Variants in SULT1E1 observed in about 807,000 individuals in gnomAD.
SULT1E1 encodes sulfotransferase family 1E member 1.
Under a neutral mutation model 33.6 loss-of-function variants are expected in SULT1E1, and 36 were observed. That is an observed-to-expected ratio of 1.07 (90% CI 0.82 to 1.41). The LOEUF (loss-of-function observed/expected upper bound fraction) is 1.41. Ranked by LOEUF, SULT1E1 falls within the 40% of genes most tolerant of loss-of-function variation. The pLI is 0.00. For missense variants in SULT1E1, 371 were observed against 345.7 expected, an observed-to-expected ratio of 1.07 and a Z score of -0.58; for synonymous variants, 121 against 111.7, an observed-to-expected ratio of 1.08 and a Z score of -0.53.
chr4:69,849,688 A>C (rs1721061969), intron 4 of SULT1E1, 125 bp from the exon 5 acceptor site: 1 of 823,150 alleles, frequency 1.2e-6, no homozygotes, highest in East Asian at 3.0e-5. Context: ...TACAAAATGC[A>C]TAAGACATGT....
the SULT1E1 span, among the ~76,000 whole-genome samples, chr4:69,834,998 T>C: frequency 6.6e-6 from 1 of 152,172 alleles, no homozygotes; most frequent in African/African-American, 2.4e-5. Context: ...AATTTTATAT[T>C]CTTTATTAAT....
chr4:69,851,550 G>A (rs917578171), intron 4 of SULT1E1, among the ~76,000 whole-genome samples: 4 of 152,170 alleles, frequency 2.6e-5, no homozygotes, highest in Admixed American at 2.6e-4. Context: ...TTCAACCATT[G>A]TGGAAGTCAG....
At chr4:69,827,374 C>A in the SULT1E1 span, among the ~76,000 whole-genome samples, 1 of 152,042 alleles carries the variant, frequency 6.6e-6, no homozygotes, top group African/African-American at 2.4e-5. Context: ...CCCACTGGGA[C>A]CTCGACTCAG....
chr4:69,849,065 C>T (rs1721043621), intron 5 of SULT1E1: 1 of 157,990 alleles, frequency 6.3e-6, no homozygotes, highest in African/African-American at 2.4e-5. Context: ...TCTCTAATCT[C>T]TCCCCAACCC....
At chr4:69,854,174 C>G in intron 4 of SULT1E1, 43 bp downstream of exon 4, 1 of 1,432,440 alleles carries the variant, frequency 7.0e-7, no homozygotes, top group Non-Finnish European at 9.8e-7. Context: ...TCTATCATTT[C>G]TTGGAATTGG....
downstream of SULT1E1, among the ~76,000 whole-genome samples, chr4:69,840,648 C>A (rs1220725): frequency 0.78 from 118,100 of 152,088 alleles, 46,762 homozygotes; most frequent in Non-Finnish European, 0.85. Context: ...GAAGATAAAT[C>A]ACACTCATTG....
intron 3 of SULT1E1, among the ~76,000 whole-genome samples, chr4:69,854,633 T>C (rs1004844013): frequency 1.3e-5 from 2 of 151,984 alleles, no homozygotes; most frequent in Non-Finnish European, 2.9e-5. Flanking sequence ...GAAATATAGA[T>C]AGAGAAAATT....
downstream of SULT1E1, among the ~76,000 whole-genome samples, chr4:69,838,291 T>G (rs989409558): frequency 6.6e-6 from 1 of 152,124 alleles, no homozygotes; most frequent in Non-Finnish European, 1.5e-5. Flanking sequence ...TGTTTTTATT[T>G]TTTTTTTACT....
At chr4:69,844,049 A>G in intron 7 of SULT1E1, 112 bp downstream of exon 7, 1 of 917,488 alleles carries the variant, frequency 1.1e-6, no homozygotes. Context: ...AAGACTGCTG[A>G]AGAAAACTTA....
chr4:69,855,178 G>T (rs1359541280), intron 3 of SULT1E1, 123 bp downstream of exon 3: 19 of 952,584 alleles, frequency 2.0e-5, no homozygotes, highest in Non-Finnish European at 2.5e-5. Flanking sequence ...AAATTTATAT[G>T]CTGTCTTATG....
intron 1 of SULT1E1, among the ~76,000 whole-genome samples, chr4:69,858,685 A>C (rs1721303487): frequency 6.6e-6 from 1 of 152,164 alleles, no homozygotes; most frequent in South Asian, 2.1e-4. Flanking sequence ...TATCAGATGT[A>C]ATGTCACCAA....
At chr4:69,858,422 T>G (rs904839541) in intron 1 of SULT1E1, among the ~76,000 whole-genome samples, 1 of 152,170 alleles carries the variant, frequency 6.6e-6, no homozygotes, top group African/African-American at 2.4e-5. Flanking sequence ...TAACAGAATT[T>G]TTAATTAGGC....
chr4:69,821,697 G>C, the SULT1E1 span, among the ~76,000 whole-genome samples: 2 of 152,216 alleles, frequency 1.3e-5, no homozygotes, highest in South Asian at 4.1e-4. Context: ...GGAACCTCAG[G>C]CTACCCAGCT....
At chr4:69,856,451 A>G (rs1037257788) in intron 2 of SULT1E1, among the ~76,000 whole-genome samples, 3 of 152,322 alleles carry the variant, frequency 2.0e-5, no homozygotes, top group African/African-American at 7.2e-5. Context: ...GAGACCTGTT[A>G]AGAGGCTGAC....
downstream of SULT1E1, among the ~76,000 whole-genome samples, chr4:69,840,130 G>A (rs182117426): frequency 2.3e-4 from 35 of 151,978 alleles, no homozygotes; most frequent in South Asian, 1.0e-3. Flanking sequence ...TGATTCCCCC[G>A]GTAAACACTG....
the SULT1E1 span, among the ~76,000 whole-genome samples, chr4:69,823,865 C>A: frequency 3.2e-4 from 49 of 152,048 alleles, no homozygotes; most frequent in Admixed American, 1.4e-3. Flanking sequence ...CTCAGTGGAC[C>A]CCCCCTAGAA....
Position 69,855,441 on chromosome 4 carries a change from T to C in SULT1E1, c.146-15A>G. The C allele has an allele frequency of 1.2e-6, 2 of 1,602,832 alleles. No individual in the cohort carries two copies. Among genetic ancestry groups the C allele is most frequent in the Non-Finnish European group, 1.7e-6 (2 of 1,174,994 alleles). ...CCAGGTTGTACCTGTAAAAATTAAATAAACCTGAGTCTCCTGCTGACCCTG... is the reference window on the plus strand; with the variant it reads ...CCAGGTTGTACCTGTAAAAATTAAACAAACCTGAGTCTCCTGCTGACCCTG... On this transcript the variant is annotated splice_polypyrimidine_tract_variant and intron_variant, in intron 2 of 7. Transcript: ENST00000226444.
chr4:69,858,974 G>T (rs1721309693), intron 1 of SULT1E1, among the ~76,000 whole-genome samples: 1 of 151,956 alleles, frequency 6.6e-6, no homozygotes, highest in East Asian at 1.9e-4. Flanking sequence ...AGTCAATTTT[G>T]GTCTGAGAGG....
At chr4:69,830,586 T>A in the SULT1E1 span, among the ~76,000 whole-genome samples, 2 of 152,178 alleles carry the variant, frequency 1.3e-5, no homozygotes, top group Non-Finnish European at 2.9e-5. Context: ...CTGCTGCAGA[T>A]GCTGCAGCTG....
Sources: allele counts gnomAD v4.1 joint callset (sites outside exome capture counted in the v4.1 genomes callset), GRCh38; gene constraint gnomAD v4.1.1; transcripts MANE v1.5; gene names NCBI Gene and HGNC (gene_info 2026-07-23, HGNC 2026-07-21).